CFAP96: variants seen among roughly 807,000 people sequenced by gnomAD.
CFAP96 encodes the protein cilia-and flagella-associated protein 96.
At chr4:185,439,796 G>A in the CFAP96 span, among the ~76,000 whole-genome samples, 2 of 75,926 alleles carry the variant, frequency 2.6e-5, no homozygotes, top group African/African-American at 7.5e-5. Flanking sequence ...ATATGTATAT[G>A]TAAGATATAT....
chr4:185,434,612 T>C, the CFAP96 span, among the ~76,000 whole-genome samples: 1 of 152,186 alleles, frequency 6.6e-6, no homozygotes, highest in African/African-American at 2.4e-5. Flanking sequence ...TTCATAGATA[T>C]GTGAAAAACA....
the CFAP96 span, among the ~76,000 whole-genome samples, chr4:185,441,018 T>C: frequency 6.6e-6 from 1 of 151,676 alleles, no homozygotes; most frequent in African/African-American, 2.4e-5. Flanking sequence ...TGGCATGATC[T>C]AGGCTCACTG....
the CFAP96 span, among the ~76,000 whole-genome samples, chr4:185,411,119 G>T: frequency 1.4e-5 from 2 of 147,536 alleles, no homozygotes; most frequent in Non-Finnish European, 3.0e-5. Context: ...AAAGCCAAAA[G>T]TTTTTTTTTT....
the CFAP96 span, chr4:185,422,508 G>C: frequency 6.2e-7 from 1 of 1,611,330 alleles, no homozygotes; most frequent in Non-Finnish European, 8.5e-7. Context: ...TAGCTGAAAA[G>C]CCAAATCAAG....
At chr4:185,425,905 GCCCAA>G in the CFAP96 span, 1 of 1,584,922 alleles carries the variant, frequency 6.3e-7, no homozygotes, top group African/African-American at 1.3e-5. Context: ...GCTGACGCCT[GCCCAA>G]AAGTTCCGGG....
the CFAP96 span, chr4:185,445,002 A>G: frequency 1.9e-6 from 3 of 1,551,476 alleles, no homozygotes; most frequent in Admixed American, 2.0e-5. Context: ...ATCCTTACCC[A>G]TCACATTCTG....
the CFAP96 span, among the ~76,000 whole-genome samples, chr4:185,424,562 C>A: frequency 6.6e-6 from 1 of 152,178 alleles, no homozygotes; most frequent in Non-Finnish European, 1.5e-5. Context: ...AAGTTCAGGA[C>A]AAATTTAGCT....
At chr4:185,426,287 T>C in the CFAP96 span, 1 of 169,732 alleles carries the variant, frequency 5.9e-6, no homozygotes, top group African/African-American at 2.4e-5. Flanking sequence ...TGTCGCGCGC[T>C]TGGGAACCCT....
the CFAP96 span, among the ~76,000 whole-genome samples, chr4:185,411,952 C>T: frequency 7.2e-5 from 11 of 152,152 alleles, no homozygotes; most frequent in African/African-American, 1.4e-4. Context: ...GTAACATATA[C>T]GCTGAAACTA....
At chr4:185,429,624 A>G in the CFAP96 span, 2 of 643,256 alleles carry the variant, frequency 3.1e-6, no homozygotes, top group Non-Finnish European at 5.2e-6. Flanking sequence ...TAAAGCATTT[A>G]GTTCTAAAGT....
At chr4:185,449,524 A>AG in the CFAP96 span, 1 of 964,118 alleles carries the variant, frequency 1.0e-6, no homozygotes. Context: ...CCCGGTCTTA[A>AG]AAAAAAAAAA....
At chr4:185,422,564 C>T in the CFAP96 span, 3 of 1,592,586 alleles carry the variant, frequency 1.9e-6, no homozygotes, top group South Asian at 3.5e-5. Flanking sequence ...CTGAAATCAC[C>T]TAGAACAAAT....
the CFAP96 span, chr4:185,436,288 G>A: frequency 1.3e-6 from 2 of 1,550,844 alleles, no homozygotes; most frequent in Non-Finnish European, 1.7e-6. Flanking sequence ...TCTTAGCTAT[G>A]CAAATATTAC....
At chr4:185,437,712 G>T in the CFAP96 span, among the ~76,000 whole-genome samples, 93 of 152,194 alleles carry the variant, frequency 6.1e-4, no homozygotes, top group Middle Eastern at 3.4e-3. Context: ...TTTTATAGTG[G>T]CTCTGTAATT....
the CFAP96 span, among the ~76,000 whole-genome samples, chr4:185,417,468 G>A: frequency 6.6e-6 from 1 of 152,132 alleles, no homozygotes; most frequent in Non-Finnish European, 1.5e-5. Flanking sequence ...GATCTTGCCA[G>A]TTAGTTTCCA....
At chr4:185,420,474 G>A in the CFAP96 span, among the ~76,000 whole-genome samples, 1 of 151,988 alleles carries the variant, frequency 6.6e-6, no homozygotes, top group Non-Finnish European at 1.5e-5. Flanking sequence ...TTTATTCAAT[G>A]ACCTGATTCT....
At chr4:185,412,939 A>G in the CFAP96 span, among the ~76,000 whole-genome samples, 1 of 152,102 alleles carries the variant, frequency 6.6e-6, no homozygotes, top group Non-Finnish European at 1.5e-5. Flanking sequence ...TATTTGAGCT[A>G]CCTTTAGGGA....
At chr4:185,439,018 G>C in the CFAP96 span, among the ~76,000 whole-genome samples, 2 of 152,130 alleles carry the variant, frequency 1.3e-5, no homozygotes, top group African/African-American at 4.8e-5. Context: ...TCTAGGGCAG[G>C]GGTTGGTAAG....
the CFAP96 span, chr4:185,440,788 A>C: frequency 5.0e-6 from 1 of 199,702 alleles, no homozygotes; most frequent in Non-Finnish European, 9.5e-6. Context: ...CTATCAAATG[A>C]TTTTTTTTCC....
Sources: gnomAD v4.1 joint callset for allele counts (sites outside exome capture counted in the v4.1 genomes callset) on GRCh38, gnomAD v4.1.1 for gene constraint, MANE v1.5 for transcripts, NCBI Gene and HGNC (gene_info 2026-07-23, HGNC 2026-07-21) for gene names.